The following CD93 variants were observed in gnomAD, a reference collection of about 807,000 sequenced individuals.
CD93 encodes CD93 molecule.
In CD93, 44 loss-of-function variants were observed where a neutral mutation model predicts 45.5. The ratio of observed to expected loss-of-function variants is 0.97; its 90% CI spans 0.76 to 1.24. The LOEUF is 1.24. Among genes scored for constraint, CD93 ranks in the 50% most tolerant of loss-of-function variants. The pLI, the probability that CD93 is intolerant of heterozygous loss-of-function variation, is 0.00. For synonymous variants in CD93, 431 were observed against 370.8 expected, an observed-to-expected ratio of 1.16 and a Z score of -1.87; for missense variants, 918 against 844.5, an observed-to-expected ratio of 1.09 and a Z score of -1.08.
In CD93 at chr20:23,084,506, C is replaced by A; in HGVS notation, c.1687G>T (p.Gly563Cys). 6.2e-7 allele frequency: 1 copy of A among 1,614,120 alleles called. No homozygotes were observed. Among genetic ancestry groups the A allele is most frequent in the South Asian group, 1.1e-5 (1 of 91,088 alleles). Residue 563 changes from glycine (G) to cysteine (C), a missense_variant, in exon 1 of 2, where the codon GGT (glycine) becomes TGT (cysteine). By Grantham distance (159) the Gly-to-Cys change is radical. Transcript: ENST00000246006. ...TGTGTGGCCACGGAGGAGTCCCCAC[C>A]TGCAGGCTCCTGGGGGCCAGAGGCA... Reference protein sequence around the residue: ...TAASGPQEPAGGDSSVATQNN... With the variant: ...TAASGPQEPACGDSSVATQNN...
chr20:23,084,894 G>A lies in CD93; in HGVS notation c.1299C>T (p.Gly433=). Residue 433 remains glycine (G), a synonymous_variant, in exon 1 of 2, where the codon GGC becomes GGT. Transcript: ENST00000246006. ...TQCQDVDECV[G]PGGPLCDSLC... Reference sequence around the variant, plus strand: ...AGCTGTCGCAGAGGGGGCCCCCCGGGCCCACACACTCATCCACGTCCTGGC... The same window carrying A: ...AGCTGTCGCAGAGGGGGCCCCCCGGACCCACACACTCATCCACGTCCTGGC... 2 of 1,613,158 alleles carry A rather than the reference G, an allele frequency of 1.2e-6. No individual in the cohort carries two copies. Among genetic ancestry groups the A allele is most frequent in the Non-Finnish European group, 1.7e-6 (2 of 1,179,880 alleles).
In CD93 at chr20:23,083,875, C is replaced by T. The variant is rs1033785456; in HGVS notation, c.*75G>A. ...CCAGTCTTTCAAAAAAATGTGGGTG[C>T]CCCTTTGGAATGGGGAGTTCAAAGC... On this transcript the variant is annotated 3_prime_UTR_variant, in exon 2 of 2. Transcript: ENST00000246006. The T allele has an allele frequency of 2.9e-6, 4 of 1,376,272 alleles. No homozygotes were observed. Among genetic ancestry groups the T allele is most frequent in the African/African-American group, 2.8e-5 (2 of 70,244 alleles). The allele number at this position is 1,376,272 out of a possible 1,614,324, so 85.3% of individuals were successfully genotyped here. A position where few individuals can be genotyped will look rare whatever the true frequency, so the allele number is the denominator to read the frequency against.
chr20:23,084,173 CTGCTCT>C (rs1985404186), intron 1 of CD93, 80 bp downstream of exon 1: 1 of 1,520,960 alleles, frequency 6.6e-7, no homozygotes, highest in African/African-American at 1.4e-5. Flanking sequence ...AAACCTGGGC[CTGCTCT>C]TGCTGCCACC....
rs577409224 is a variant in CD93 at position 23,083,012 on chromosome 20, G to C, written c.*938C>G. The stretch of plus-strand genomic sequence containing the variant: ...TCTGAGCTCGGAGCACTGGCATTCC[G>C]GGCAGGATGAAGTGGAGGCGGGGCC... On this transcript the variant is annotated 3_prime_UTR_variant, in exon 2 of 2. Coordinates refer to ENST00000246006, the MANE Select transcript of CD93 (RefSeq NM_012072.4). 1 of 152,666 alleles carries C rather than the reference G, an allele frequency of 6.6e-6. No homozygotes were observed. The highest frequency in any genetic ancestry group is 2.4e-5 in the African/African-American group (1 of 41,458). 9.5% of individuals were successfully genotyped at this position (152,666 alleles called of 1,614,324 possible). A position where few individuals can be genotyped will look rare whatever the true frequency, so the allele number is the denominator to read the frequency against.
rs561453417 is a variant in CD93, at chr20:23,083,713, T to G, written c.*237A>C. ...AAGGGAGGGGGAGTAACAATCATTATAGAGTCACGAAATCCCCACCGTGGC... is the reference window on the plus strand; with the variant it reads ...AAGGGAGGGGGAGTAACAATCATTAGAGAGTCACGAAATCCCCACCGTGGC... On this transcript the variant is annotated 3_prime_UTR_variant, in exon 2 of 2. Transcript: ENST00000246006. 1.7e-6 allele frequency: 1 copy of G among 590,404 alleles called. No homozygotes were observed. Among genetic ancestry groups the G allele is most frequent in the Non-Finnish European group, 3.0e-6 (1 of 329,164 alleles). 36.6% of individuals were successfully genotyped at this position (590,404 alleles called of 1,614,324 possible). A position where few individuals can be genotyped will look rare whatever the true frequency, so the allele number is the denominator to read the frequency against.
Position 23,083,089 on chromosome 20 carries a change from A to G in CD93, c.*861T>C, listed in dbSNP as rs1030646031. ...TGGCTCAAAGACAGGTTGTCCTTGA[A>G]TTTGTTTCCTTGTTAGTGTTGATCA... On this transcript the variant is annotated 3_prime_UTR_variant, in exon 2 of 2. Coordinates refer to ENST00000246006, the MANE Select transcript of CD93 (RefSeq NM_012072.4). 6.6e-6 allele frequency: 1 copy of G among 152,496 alleles called. No homozygotes were observed. The highest frequency in any genetic ancestry group is 3.4e-3 in the Middle Eastern group (1 of 294). The allele number at this position is 152,496 out of a possible 1,614,324, so 9.4% of individuals were successfully genotyped here.
In CD93 at chr20:23,085,939, G is replaced by T; in HGVS notation, c.254C>A (p.Ala85Asp). The change falls in exon 1 of 2, where the codon GCC becomes GAC. Residue 85 changes from alanine to aspartate, a missense_variant. By Grantham distance (126) the Ala-to-Asp change is moderately radical. Coordinates refer to ENST00000246006, the MANE Select transcript of CD93 (RefSeq NM_012072.4). ...VLAQLLRREA[A>D]LTARMSKFWI... ...GAACTTGCTCATCCTCGCCGTCAGG[G>T]CTGCCTCCCGCCTCAGGAGCTGGGC... 6.2e-7 allele frequency: 1 copy of T among 1,608,586 alleles called. No homozygotes were observed. The highest frequency in any genetic ancestry group is 8.5e-7 in the Non-Finnish European group (1 of 1,178,340).
In CD93 at chr20:23,082,655, G is replaced by A. The variant is rs1985356627; in HGVS notation, c.*1295C>T. The A allele has an allele frequency of 1.3e-5, 2 of 151,984 alleles. No homozygotes were observed. The highest frequency in any genetic ancestry group is 1.3e-4 in the Admixed American group (2 of 15,268). The allele number at this position is 151,984 out of a possible 1,614,324, so 9.4% of individuals were successfully genotyped here. ...TTTGCAAATGTAACTTTTAAAATGA[G>A]GATATAATTTAAATGGCTTTGAGCA... On this transcript the variant is annotated 3_prime_UTR_variant, in exon 2 of 2. Transcript: ENST00000246006.
rs188991758 is a variant in CD93, at chr20:23,083,971, C to T, written c.1938G>A (p.Pro646=). 482 of 1,614,116 alleles carry T rather than the reference C, an allele frequency of 3.0e-4. 2 individuals carry two copies. The East Asian group carries it at 8.6e-3, about 29-fold the overall frequency. ...ESRAMENQYS[P]TPGTDC is the part of the protein sequence containing the mutation. ...ACTTTCAGCAGTCTGTCCCAGGTGT[C>T]GGACTATGGGAAACAAAACAGACAG... The change falls in exon 2 of 2, where the codon CCG becomes CCA. Residue 646 remains proline (P), a synonymous_variant. Transcript: ENST00000246006.
At position 23,084,887 on chromosome 20, in the gene CD93, C is replaced by A. The variant is rs1004815484; in HGVS notation, c.1306G>T (p.Gly436Cys). Residue 436 changes from glycine to cysteine, a missense_variant, in exon 1 of 2, where the codon GGC (glycine) becomes TGC (cysteine). Gly to Cys is a radical substitution (Grantham distance 159). Coordinates refer to ENST00000246006, the MANE Select transcript of CD93 (RefSeq NM_012072.4). ...AAGCACAAGCTGTCGCAGAGGGGGCCCCCCGGGCCCACACACTCATCCACG... is the reference window on the plus strand; with the variant it reads ...AAGCACAAGCTGTCGCAGAGGGGGCACCCCGGGCCCACACACTCATCCACG... ...QDVDECVGPGGPLCDSLCFNT... is the reference protein window; with the variant it reads ...QDVDECVGPGCPLCDSLCFNT... The A allele has an allele frequency of 1.7e-5, 27 of 1,612,998 alleles. No individual in the cohort carries two copies. Among genetic ancestry groups the A allele is most frequent in the Non-Finnish European group, 2.2e-5 (26 of 1,179,834 alleles).
chr20:23,083,666 A>C lies in CD93; in HGVS notation c.*284T>G. 7.8e-6 allele frequency: 4 copies of C among 514,762 alleles called. No individual in the cohort carries two copies. Among genetic ancestry groups the C allele is most frequent in the Non-Finnish European group, 1.4e-5 (4 of 285,356 alleles). 31.9% of individuals were successfully genotyped at this position (514,762 alleles called of 1,614,324 possible). The stretch of plus-strand genomic sequence containing the variant: ...CGGCCTCCTCACACCCTGATCCGGA[A>C]TTGGTCACATTGGAATTTGAAAAGG... On this transcript the variant is annotated 3_prime_UTR_variant, in exon 2 of 2. Transcript: ENST00000246006.
In CD93 at chr20:23,083,570, T is replaced by A. The variant is rs926324651; in HGVS notation, c.*380A>T. 5.6e-5 allele frequency: 14 copies of A among 247,990 alleles called. No homozygotes were observed. The highest frequency in any genetic ancestry group is 6.3e-5 in the Non-Finnish European group (8 of 127,836). 15.4% of individuals were successfully genotyped at this position (247,990 alleles called of 1,614,324 possible). On this transcript the variant is annotated 3_prime_UTR_variant, in exon 2 of 2. Transcript: ENST00000246006. ...CAAATCATTTCAATCCTAATCAGCA[T>A]GAGCAACTCACCTTTTCCTCTTAGA...
rs928513601 is a variant in CD93, at chr20:23,081,577, A to G, written c.*2373T>C. The G allele has an allele frequency of 6.6e-6, 1 of 152,280 alleles. No individual in the cohort carries two copies. The highest frequency in any genetic ancestry group is 1.9e-4 in the East Asian group (1 of 5,182). 9.4% of individuals were successfully genotyped at this position (152,280 alleles called of 1,614,324 possible). A position where few individuals can be genotyped will look rare whatever the true frequency, so the allele number is the denominator to read the frequency against. ...GTGGGAGTGGTGTGCAAGAGAAAGC[A>G]CCACCCAGCAGGAGAGGGACCCAGC... On this transcript the variant is annotated 3_prime_UTR_variant, in exon 2 of 2. Coordinates refer to ENST00000246006, the MANE Select transcript of CD93 (RefSeq NM_012072.4).
In CD93 at chr20:23,085,162, A is replaced by G. The variant is rs767597760; in HGVS notation, c.1031T>C (p.Val344Ala). 3.2e-5 allele frequency: 51 copies of G among 1,584,320 alleles called. No homozygotes were observed. The South Asian group carries it at 5.9e-4, about 18-fold the overall frequency. ...GGAGTCCTGGCATTCATCCACGTCC[A>G]CACAGTCCAGCTGACTCGAGTCCAG... ...YQLDSSQLDC[V>A]DVDECQDSPC... The change falls in exon 1 of 2, where the codon GTG (valine) becomes GCG (alanine). Residue 344 changes from valine to alanine, a missense_variant. Val to Ala is a moderately conservative substitution (Grantham distance 64). Coordinates refer to ENST00000246006, the MANE Select transcript of CD93 (RefSeq NM_012072.4).
In CD93 at chr20:23,085,792, T is replaced by C. The variant is rs527569700; in HGVS notation, c.401A>G (p.Asn134Ser). The part of the protein sequence containing the change: ...PYSNWHKELR[N>S]SCISKRCVSL... ...CACACAGCGCTTGGAGATGCACGAG[T>C]TCCGGAGCTCCTTGTGCCAGTTAGA... Residue 134 changes from asparagine (N) to serine (S), a missense_variant, in exon 1 of 2, where the codon AAC (asparagine) becomes AGC (serine). Physicochemically the swap from Asn to Ser is conservative, Grantham distance 46. Transcript: ENST00000246006. 248 of 1,611,538 alleles carry C rather than the reference T, an allele frequency of 1.5e-4. No homozygotes were observed. The highest frequency in any genetic ancestry group is 1.5e-3 in the South Asian group (135 of 90,992).
Position 23,084,892 on chromosome 20 carries a change from G to C in CD93, c.1301C>G (p.Pro434Arg). ...QCQDVDECVG[P>R]GGPLCDSLCF... ...CAAGCTGTCGCAGAGGGGGCCCCCCGGGCCCACACACTCATCCACGTCCTG... is the reference window on the plus strand; with the variant it reads ...CAAGCTGTCGCAGAGGGGGCCCCCCCGGCCCACACACTCATCCACGTCCTG... The change falls in exon 1 of 2, where the codon CCG becomes CGG. Residue 434 changes from proline to arginine, a missense_variant. Coordinates refer to ENST00000246006, the MANE Select transcript of CD93 (RefSeq NM_012072.4). 1 of 1,612,840 alleles carries C rather than the reference G, an allele frequency of 6.2e-7. No individual in the cohort carries two copies. The highest frequency in any genetic ancestry group is 8.5e-7 in the Non-Finnish European group (1 of 1,179,772).
Position 23,082,599 on chromosome 20 carries a change from A to T in CD93, c.*1351T>A, listed in dbSNP as rs1171375689. The T allele has an allele frequency of 6.6e-6, 1 of 151,876 alleles. No homozygotes were observed. The highest frequency in any genetic ancestry group is 1.5e-5 in the Non-Finnish European group (1 of 68,014). The allele number at this position is 151,876 out of a possible 1,614,324, so 9.4% of individuals were successfully genotyped here. ...AGAGAGAGAGAGAGAAAGAGTGCACACTATCGACTACATTATCATAGGGAG... is the reference window on the plus strand; with the variant it reads ...AGAGAGAGAGAGAGAAAGAGTGCACTCTATCGACTACATTATCATAGGGAG... On this transcript the variant is annotated 3_prime_UTR_variant, in exon 2 of 2. Coordinates refer to ENST00000246006, the MANE Select transcript of CD93 (RefSeq NM_012072.4).
In CD93 at chr20:23,086,201, CTG is replaced by C. The variant is rs1488232401; in HGVS notation, c.-11_-10del. 1 of 1,505,924 alleles carries C rather than the reference CTG, an allele frequency of 6.6e-7. No individual in the cohort carries two copies. The highest frequency in any genetic ancestry group is 2.1e-5 in the Admixed American group (1 of 47,110). The allele number at this position is 1,505,924 out of a possible 1,614,324, so 93.3% of individuals were successfully genotyped here. Reference sequence around the variant, plus strand: ...CCCATGGAGGTGGCCATCCCGGTCTCTGTGTGGCCCTCTGCGGGAGGCGAGAA... The same window carrying C: ...CCCATGGAGGTGGCCATCCCGGTCTCTGTGGCCCTCTGCGGGAGGCGAGAA... On this transcript the variant is annotated 5_prime_UTR_variant, in exon 1 of 2. Transcript: ENST00000246006.
Position 23,086,079 on chromosome 20 carries a change from C to T in CD93, c.114G>A (p.Thr38=), listed in dbSNP as rs754159699. 10 of 1,601,360 alleles carry T rather than the reference C, an allele frequency of 6.2e-6. No homozygotes were observed. In the East Asian group the frequency reaches 6.7e-5, roughly 11 times the overall value. ...CAGCGCTCAGCTTGCCCGAGTGGGC[C>T]GTGTAGCAGGCGGTCCCCACGCAGA... is the stretch of plus-strand genomic sequence containing the variant. The part of the protein sequence containing the change: ...AVVCVGTACY[T]AHSGKLSAAE... The change falls in exon 1 of 2, where the codon ACG becomes ACA. Residue 38 remains threonine, a synonymous_variant. Transcript: ENST00000246006.
Sources: allele counts gnomAD v4.1 joint callset, GRCh38; gene constraint gnomAD v4.1.1; transcripts MANE v1.5; gene names NCBI Gene and HGNC (gene_info 2026-07-23, HGNC 2026-07-21).